Variants in TLE1 observed in about 807,000 individuals in gnomAD.
The protein encoded by TLE1 is TLE family member 1, transcriptional corepressor, also known as transducin-like enhancer protein 1.
Under a neutral mutation model 89.8 loss-of-function variants are expected in TLE1, and 21 were observed. That is an observed-to-expected ratio of 0.23 (90% CI 0.17 to 0.34). The LOEUF (loss-of-function observed/expected upper bound fraction) is 0.34, where lower values mean the gene tolerates loss of function less well. TLE1 is among the 10% of genes least tolerant of loss of function. The pLI is 1.00. For missense variants in TLE1, 795 were observed against 1,031.2 expected (o/e 0.77, Z 3.14); for synonymous variants, 447 against 407.6 (o/e 1.10, Z -1.16).
At chr9:81,662,336 C>T (rs889610633) in intron 4 of TLE1, among the ~76,000 whole-genome samples, 2 of 148,062 alleles carry the variant, frequency 1.4e-5, no homozygotes, top group African/African-American at 5.0e-5. Context: ...GCAGGAGACA[C>T]GGTGTTAGTA....
chr9:81,586,672 A>G (rs1828512149), intron 17 of TLE1, among the ~76,000 whole-genome samples: 2 of 152,172 alleles, frequency 1.3e-5, no homozygotes, highest in African/African-American at 4.8e-5. Context: ...ATATGGCCAA[A>G]TAACTTCAAG....
rs1049035412 is a variant in TLE1, at chr9:81,613,257, G to A, written c.1063+120C>T. 15 of 1,361,710 alleles carry A rather than the reference G, an allele frequency of 1.1e-5. No individual in the cohort carries two copies. In the Admixed American group the frequency reaches 3.5e-4, roughly 32 times the overall value. 84.4% of individuals were successfully genotyped at this position (1,361,710 alleles called of 1,614,324 possible). On this transcript the variant is annotated intron_variant, in intron 12 of 19. Coordinates refer to ENST00000376499, the MANE Select transcript of TLE1 (RefSeq NM_005077.5). ...TCATGGCTTTTTCAGAGATAGGAAG[G>A]AGGGTGGCCCTACGTACATTTCATA...
At chr9:81,590,393 T>G (rs1829312110) in intron 16 of TLE1, among the ~76,000 whole-genome samples, 1 of 152,252 alleles carries the variant, frequency 6.6e-6, no homozygotes, top group African/African-American at 2.4e-5. Flanking sequence ...CTCATGTCCC[T>G]TTGTTGATTT....
At chr9:81,587,116 T>A (rs1018701097) in intron 17 of TLE1, among the ~76,000 whole-genome samples, 1 of 152,218 alleles carries the variant, frequency 6.6e-6, no homozygotes, top group Non-Finnish European at 1.5e-5. Flanking sequence ...ATTTATACAT[T>A]ATTTCAAAAG....
At chr9:81,680,421 T>C (rs896947441) in intron 4 of TLE1, among the ~76,000 whole-genome samples, 1 of 152,214 alleles carries the variant, frequency 6.6e-6, no homozygotes, top group African/African-American at 2.4e-5. Context: ...GATCCTGCCC[T>C]AATACAAAAT....
intron 14 of TLE1, among the ~76,000 whole-genome samples, chr9:81,608,057 A>G (rs1452832615): frequency 6.6e-6 from 1 of 152,230 alleles, no homozygotes; most frequent in African/African-American, 2.4e-5. Context: ...GTTTATTTGA[A>G]ACAAGGCTCT....
chr9:81,671,843 T>C (rs1176828791), intron 4 of TLE1, among the ~76,000 whole-genome samples: 1 of 152,148 alleles, frequency 6.6e-6, no homozygotes, highest in Non-Finnish European at 1.5e-5. Context: ...ATTTTGGCCT[T>C]TGGTCAGCTA....
chr9:81,677,857 A>C (rs1051262236), intron 4 of TLE1, among the ~76,000 whole-genome samples: 2 of 152,222 alleles, frequency 1.3e-5, no homozygotes, highest in Non-Finnish European at 2.9e-5. Flanking sequence ...GATGATCAGC[A>C]AGCTACATAT....
chr9:81,683,933 T>C (rs529948556), intron 4 of TLE1, among the ~76,000 whole-genome samples: 2 of 152,078 alleles, frequency 1.3e-5, no homozygotes, highest in Non-Finnish European at 1.5e-5. Context: ...TCCCGCCACA[T>C]AACCTACAGG....
At chr9:81,687,502 A>G (rs928226249) in intron 1 of TLE1, 68 bp from the exon 2 acceptor site, 5 of 1,225,402 alleles carry the variant, frequency 4.1e-6, no homozygotes, top group Admixed American at 2.0e-5. Context: ...AGTAAGTCAG[A>G]GAAGGCAAGA....
chr9:81,675,211 C>T (rs1023481980), intron 4 of TLE1, among the ~76,000 whole-genome samples: 72 of 152,112 alleles, frequency 4.7e-4, no homozygotes, highest in African/African-American at 1.7e-3. Flanking sequence ...TTATAGACTC[C>T]AGGTATCATA....
intron 14 of TLE1, among the ~76,000 whole-genome samples, chr9:81,604,529 G>A (rs1337312238): frequency 6.6e-6 from 1 of 152,200 alleles, no homozygotes; most frequent in Non-Finnish European, 1.5e-5. Context: ...CAAAGTTCCA[G>A]GGAGACAGAT....
chr9:81,669,315 T>G (rs541995724), intron 4 of TLE1, among the ~76,000 whole-genome samples: 42 of 152,192 alleles, frequency 2.8e-4, no homozygotes, highest in Non-Finnish European at 5.7e-4. Context: ...CTAATAGACA[T>G]GTGGATAAAA....
chr9:81,684,694 T>C (rs1351044568), intron 4 of TLE1, among the ~76,000 whole-genome samples: 1 of 152,248 alleles, frequency 6.6e-6, no homozygotes, highest in African/African-American at 2.4e-5. Flanking sequence ...AGAATTGTAT[T>C]GTTGCACTTT....
intron 4 of TLE1, among the ~76,000 whole-genome samples, chr9:81,667,041 G>A (rs1233928613): frequency 2.0e-5 from 3 of 151,968 alleles, no homozygotes; most frequent in African/African-American, 4.8e-5. Flanking sequence ...TCACTTGTTC[G>A]GAGTAATCCT....
intron 2 of TLE1, among the ~76,000 whole-genome samples, 163 bp downstream of exon 2, chr9:81,687,171 G>A (rs143297940): frequency 6.6e-6 from 1 of 152,346 alleles, no homozygotes; most frequent in Admixed American, 6.5e-5. Flanking sequence ...GGCGGCCCGG[G>A]AAGAACCAGG....
intron 14 of TLE1, among the ~76,000 whole-genome samples, chr9:81,604,064 G>T (rs1018234766): frequency 2.0e-5 from 3 of 152,060 alleles, no homozygotes; most frequent in Non-Finnish European, 4.4e-5. Flanking sequence ...TCGCTTCTTT[G>T]GGTCTTCATT....
intron 4 of TLE1, among the ~76,000 whole-genome samples, chr9:81,661,502 C>A (rs1288621503): frequency 6.6e-6 from 1 of 151,972 alleles, no homozygotes; most frequent in East Asian, 1.9e-4. Flanking sequence ...GGGGAAACTC[C>A]ACCAGCATTA....
rs1399541945 is a variant in TLE1, at chr9:81,583,901, C to T, written c.*297G>A. 2.8e-6 allele frequency: 1 copy of T among 352,492 alleles called. No homozygotes were observed. The highest frequency in any genetic ancestry group is 5.0e-5 in the East Asian group (1 of 19,812). 21.8% of individuals were successfully genotyped at this position (352,492 alleles called of 1,614,324 possible). On this transcript the variant is annotated 3_prime_UTR_variant, in exon 20 of 20. Transcript: ENST00000376499. ...CTTGGGCAAGGCGTGATCCCCAGAT[C>T]ACCCAGAAAGAAAGAATGGGCTGTC...
Sources: gnomAD v4.1 joint callset for allele counts (sites outside exome capture counted in the v4.1 genomes callset) on GRCh38, gnomAD v4.1.1 for gene constraint, MANE v1.5 for transcripts, NCBI Gene and HGNC (gene_info 2026-07-23, HGNC 2026-07-21) for gene names.